Variants in RNF169 observed in about 807,000 individuals in gnomAD.
RNF169 encodes the protein ring finger protein 169, also known as E3 ubiquitin-protein ligase RNF169.
RNF169 carries 24 observed loss-of-function variants against 53.9 expected under a neutral mutation model. The observed-to-expected ratio is 0.45, with a 90% CI of 0.32 to 0.63. The LOEUF (loss-of-function observed/expected upper bound fraction) is 0.63, where lower values mean the gene tolerates loss of function less well. RNF169 is among the 20% of genes least tolerant of loss of function. The probability of loss-of-function intolerance (pLI) is 0.04; values close to 1 mark genes in which losing one functional copy is unlikely to be tolerated. For missense variants in RNF169, 883 were observed against 906.2 expected, an observed-to-expected ratio of 0.97 and a Z score of 0.33; for synonymous variants, 396 against 363.5, an observed-to-expected ratio of 1.09 and a Z score of -1.02.
intron 1 of RNF169, among the ~76,000 whole-genome samples, chr11:74,757,257 T>C (rs1364566314): frequency 1.6e-5 from 2 of 125,608 alleles, no homozygotes; most frequent in Admixed American, 8.2e-5. Context: ...GTTTGGTTTT[T>C]TGTTCTTGCG....
intron 1 of RNF169, among the ~76,000 whole-genome samples, chr11:74,751,964 T>C (rs1306972225): frequency 6.6e-6 from 1 of 152,060 alleles, no homozygotes; most frequent in East Asian, 1.9e-4. Context: ...CCAGGCGCGG[T>C]GGCTCACCCC....
At chr11:74,809,056 A>G (rs1467209578) in intron 2 of RNF169, among the ~76,000 whole-genome samples, 1 of 152,096 alleles carries the variant, frequency 6.6e-6, no homozygotes, top group Non-Finnish European at 1.5e-5. Context: ...GAAATCAGAA[A>G]CATAAGGCTA....
In RNF169 at chr11:74,834,667, C is replaced by CT. The variant is rs771971563; in HGVS notation, c.843-3dup. 4 of 1,597,454 alleles carry CT rather than the reference C, an allele frequency of 2.5e-6. No individual in the cohort carries two copies. Among genetic ancestry groups the CT allele is most frequent in the South Asian group, 1.1e-5 (1 of 88,738 alleles). The stretch of plus-strand genomic sequence containing the variant: ...TTTGACTACTCGTTTTTTATTTATT[C>CT]TTTTTTAGGAAGCTAAACTCCAAGG... On this transcript the variant is annotated splice_polypyrimidine_tract_variant and intron_variant, in intron 4 of 5. Transcript: ENST00000299563.
chr11:74,792,959 C>T (rs956878274), intron 2 of RNF169, among the ~76,000 whole-genome samples: 1 of 152,212 alleles, frequency 6.6e-6, no homozygotes, highest in East Asian at 1.9e-4. Context: ...TATCCTACAT[C>T]CATTGTACAA....
In RNF169 at chr11:74,789,711, T is replaced by C; in HGVS notation, c.576+12T>C. The C allele has an allele frequency of 1.3e-6, 2 of 1,496,642 alleles. No homozygotes were observed. The highest frequency in any genetic ancestry group is 1.9e-6 in the Non-Finnish European group (2 of 1,079,562). The allele number at this position is 1,496,642 out of a possible 1,614,324, so 92.7% of individuals were successfully genotyped here. ...AAAGCTTGAGAAAGGTATAGTATTA[T>C]CATGTCATTCATTTTCTTAAAGTAG... On this transcript the variant is annotated intron_variant, in intron 2 of 5. Transcript: ENST00000299563.
At position 74,749,260 on chromosome 11, in the gene RNF169, A is replaced by G. The variant is rs2034845109; in HGVS notation, c.380A>G (p.Glu127Gly). The G allele has an allele frequency of 2.7e-6, 3 of 1,120,020 alleles. No homozygotes were observed. Among genetic ancestry groups the G allele is most frequent in the Non-Finnish European group, 3.3e-6 (3 of 918,016 alleles). The allele number at this position is 1,120,020 out of a possible 1,614,324, so 69.4% of individuals were successfully genotyped here. The change falls in exon 1 of 6, where the codon GAG becomes GGG. Residue 127 changes from glutamate to glycine, a missense_variant. Around this residue, in one of 3 missense-constraint regions of RNF169, gnomAD observed 313 missense variants for 279.9 expected, o/e 1.12. Transcript: ENST00000299563. ...RARDDGQADS[E>G]VLGECARRSQ... ...CGCGACGACGGCCAGGCCGACTCAGAGGTGCTGGGCGAGTGCGCCCGCCGC... is the reference window on the plus strand; with the variant it reads ...CGCGACGACGGCCAGGCCGACTCAGGGGTGCTGGGCGAGTGCGCCCGCCGC...
At chr11:74,835,430 C>T (rs2036238186) in intron 5 of RNF169, 116 bp from the exon 6 acceptor site, 2 of 734,578 alleles carry the variant, frequency 2.7e-6, no homozygotes, top group South Asian at 1.9e-5. Context: ...CTCACATTAC[C>T]CTTCATCCCT....
intron 2 of RNF169, among the ~76,000 whole-genome samples, chr11:74,804,158 A>G (rs2035772380): frequency 6.6e-6 from 1 of 152,122 alleles, no homozygotes; most frequent in Non-Finnish European, 1.5e-5. Context: ...TGATAGGCGA[A>G]TTGGCATGTC....
At chr11:74,795,217 C>CTCT (rs1371699186) in intron 2 of RNF169, among the ~76,000 whole-genome samples, 6 of 97,444 alleles carry the variant, frequency 6.2e-5, no homozygotes, top group African/African-American at 3.0e-4. Context: ...AATGTAGATA[C>CTCT]TCTTTTTTTT....
chr11:74,762,355 G>A (rs562842055), intron 1 of RNF169, among the ~76,000 whole-genome samples: 16 of 139,642 alleles, frequency 1.1e-4, no homozygotes, highest in South Asian at 5.1e-4. Context: ...GAGGAACTGC[G>A]TTCCTTTGGA....
At chr11:74,771,307 ATG>A (rs1430801725) in intron 1 of RNF169, among the ~76,000 whole-genome samples, 6 of 152,176 alleles carry the variant, frequency 3.9e-5, no homozygotes, top group African/African-American at 1.4e-4. Flanking sequence ...GAAATCGAAA[ATG>A]TGCCAAAAAT....
chr11:74,785,421 C>T (rs550754133), intron 1 of RNF169, among the ~76,000 whole-genome samples: 2 of 149,250 alleles, frequency 1.3e-5, no homozygotes, highest in African/African-American at 4.9e-5. Context: ...CCTAATGTTA[C>T]GTTCTTTTTG....
chr11:74,777,235 GC>G (rs566036974), intron 1 of RNF169, among the ~76,000 whole-genome samples: 414 of 152,316 alleles, frequency 2.7e-3, no homozygotes, highest in African/African-American at 9.7e-3. Flanking sequence ...CTAGGTGACT[GC>G]AGGTCTGTCT....
At chr11:74,825,815 T>G (rs915440195) in intron 4 of RNF169, among the ~76,000 whole-genome samples, 1 of 152,126 alleles carries the variant, frequency 6.6e-6, no homozygotes, top group African/African-American at 2.4e-5. Flanking sequence ...CCAAGTAGGC[T>G]CCATCCCATG....
At chr11:74,776,544 T>C (rs754604810) in intron 1 of RNF169, among the ~76,000 whole-genome samples, 35 of 147,524 alleles carry the variant, frequency 2.4e-4, no homozygotes, top group African/African-American at 8.9e-4. Flanking sequence ...ATTTAAGCCA[T>C]TGTTTGACAC....
At chr11:74,753,722 T>A (rs1337790149) in intron 1 of RNF169, among the ~76,000 whole-genome samples, 2 of 148,242 alleles carry the variant, frequency 1.3e-5, no homozygotes, top group African/African-American at 5.2e-5. Flanking sequence ...CGTTCTTAAT[T>A]TTTTTTTTAT....
intron 2 of RNF169, among the ~76,000 whole-genome samples, chr11:74,796,653 C>T (rs1320741077): frequency 3.3e-5 from 5 of 151,790 alleles, no homozygotes; most frequent in African/African-American, 9.7e-5. Flanking sequence ...AATCATTGGA[C>T]TCTGAAAGAC....
At position 74,817,161 on chromosome 11, in the gene RNF169, A is replaced by ATTAACCCTGTTTATCCC. The variant is rs1324623885; in HGVS notation, c.724-434_724-433insTAACCCTGTTTATCCCT. Among the ~76,000 whole-genome samples the ATTAACCCTGTTTATCCC allele has an allele frequency of 1.1e-4, 17 of 152,344 alleles. No individual in the cohort carries two copies. In the South Asian group the frequency reaches 3.5e-3, roughly 32 times the overall value. ...CTTAATTTAAGAACTAGTTTTATCC[A>ATTAACCCTGTTTATCCC]TGTATTAACCCTGTAATTCTAGGAA... is the stretch of plus-strand genomic sequence containing the variant. On this transcript the variant is annotated intron_variant, in intron 3 of 5. Transcript: ENST00000299563.
At chr11:74,810,360 T>C in intron 3 of RNF169, 30 bp downstream of exon 3, 1 of 1,609,490 alleles carries the variant, frequency 6.2e-7, no homozygotes, top group East Asian at 2.2e-5. Context: ...AATGGATACC[T>C]GCCTCAAAAA....
Sources: gnomAD v4.1 joint callset for allele counts (sites outside exome capture counted in the v4.1 genomes callset) on GRCh38, gnomAD v4.1.1 for gene constraint, gnomAD v4.1.1 regional missense constraint, MANE v1.5 for transcripts, NCBI Gene and HGNC (gene_info 2026-07-23, HGNC 2026-07-21) for gene names.